The following RIPOR2 variants were observed in gnomAD, a reference collection of about 807,000 sequenced individuals.
RIPOR2 encodes the protein RHO family interacting cell polarization regulator 2, also known as rho family-interacting cell polarization regulator 2.
RIPOR2 carries 39 observed loss-of-function variants against 114.5 expected under a neutral mutation model. The observed-to-expected ratio is 0.34, with a 90% CI of 0.26 to 0.44. The LOEUF (loss-of-function observed/expected upper bound fraction) is 0.44. Among genes scored for constraint, RIPOR2 ranks in the 20% least tolerant of loss-of-function variants. RIPOR2 has a pLI of 1.00. For synonymous variants in RIPOR2, 445 were observed against 484.4 expected, an observed-to-expected ratio of 0.92 and a Z score of 1.07; for missense variants, 1,007 against 1,255.1, an observed-to-expected ratio of 0.80 and a Z score of 2.99.
In RIPOR2 at chr6:24,954,455, CCTT is replaced by C. The variant is rs1181197992; in HGVS notation, c.77-78641_77-78639del. On this transcript the variant is annotated intron_variant, in intron 1 of 13. Coordinates refer to the RIPOR2 transcript ENST00000510784. ...AACTGTGCAGGCCCAGTCTCTCTCT[CCTT>C]TTTTTTTTTTTTTTTGAGACAGGGT... Among the ~76,000 whole-genome samples, 234 of 116,248 alleles carry C rather than the reference CCTT, an allele frequency of 2.0e-3. 11 individuals carry two copies. In the East Asian group the frequency reaches 0.027, roughly 13 times the overall value. The allele number at this position is 116,248 out of a possible 152,430, so 76.3% of individuals were successfully genotyped here.
Position 24,843,067 on chromosome 6 carries a change from G to A in RIPOR2, c.1652C>T (p.Thr551Ile), listed in dbSNP as rs1407853027. 2 of 1,613,840 alleles carry A rather than the reference G, an allele frequency of 1.2e-6. No homozygotes were observed. Among genetic ancestry groups the A allele is most frequent in the African/African-American group, 2.7e-5 (2 of 74,942 alleles). ...TGTGGCCATTGGCACCTCTGCAGAT[G>A]TGAGCCTCTTGACCAGCTGCTTTGT... ...NITKQLVKRL[T>I]SAEVPMATDR... Residue 551 changes from threonine (T) to isoleucine (I), a missense_variant, in exon 13 of 22, where the codon ACA becomes ATA. Physicochemically the swap from Thr to Ile is moderately conservative, Grantham distance 89. Coordinates refer to ENST00000643898, the MANE Select transcript of RIPOR2 (RefSeq NM_001286445.3).
At chr6:25,036,787 G>A (rs1777275416) in intron 1 of RIPOR2, among the ~76,000 whole-genome samples, 2 of 152,172 alleles carry the variant, frequency 1.3e-5, no homozygotes, top group Admixed American at 1.3e-4. Flanking sequence ...GAGATCCTCT[G>A]TGGGGGCAAA....
At chr6:24,889,024 T>C (rs1767083375) in intron 1 of RIPOR2, among the ~76,000 whole-genome samples, 1 of 152,232 alleles carries the variant, frequency 6.6e-6, no homozygotes, top group Non-Finnish European at 1.5e-5. Context: ...ATTCCTGTTG[T>C]TATGACAACA....
intron 1 of RIPOR2, among the ~76,000 whole-genome samples, chr6:24,989,759 C>A (rs948881397): frequency 1.3e-5 from 2 of 151,932 alleles, no homozygotes; most frequent in African/African-American, 2.4e-5. Flanking sequence ...ATATTTAATA[C>A]CCTGGCTGGG....
At chr6:24,964,144 G>GAT (rs1282784797) in intron 1 of RIPOR2, among the ~76,000 whole-genome samples, 1 of 53,900 alleles carries the variant, frequency 1.9e-5, no homozygotes, top group African/African-American at 8.0e-5. Context: ...ATTGACATTG[G>GAT]CTCTGTGTGT....
chr6:24,840,159 C>G, intron 13 of RIPOR2: 1 of 862,874 alleles, frequency 1.2e-6, no homozygotes, highest in Non-Finnish European at 1.4e-6. Context: ...CTATGTTGAC[C>G]ATACCGGTCT....
rs547600892 is a variant in RIPOR2 at position 24,908,216 on chromosome 6, A to G, written c.61+27622T>C. On this transcript the variant is annotated intron_variant, in intron 1 of 21. Transcript: ENST00000643898. ...TTGCCCTGAGGGGCACCCATTGTGT[A>G]AATAAAACGGACTTTCACTTCTATC... Among the ~76,000 whole-genome samples, 15 of 152,350 alleles carry G rather than the reference A, an allele frequency of 9.8e-5. 1 individual carries two copies. The highest frequency in any genetic ancestry group is 3.6e-4 in the African/African-American group (15 of 41,584).
intron 8 of RIPOR2, among the ~76,000 whole-genome samples, 180 bp downstream of exon 8, chr6:24,860,793 G>A (rs1435373195): frequency 2.0e-5 from 3 of 152,168 alleles, no homozygotes; most frequent in Non-Finnish European, 4.4e-5. Context: ...ATATTTTTGT[G>A]TGTGTAGGTA....
intron 19 of RIPOR2, among the ~76,000 whole-genome samples, chr6:24,819,662 A>ATTTTTTT (rs35638159): frequency 4.8e-5 from 5 of 103,308 alleles, no homozygotes; most frequent in Admixed American, 1.1e-4. Flanking sequence ...CGCCCAGCTA[A>ATTTTTTT]TTTTTTTTTT....
At chr6:24,913,662 G>A (rs1031801281) in intron 1 of RIPOR2, among the ~76,000 whole-genome samples, 3 of 152,142 alleles carry the variant, frequency 2.0e-5, no homozygotes, top group Admixed American at 6.5e-5. Flanking sequence ...TCTTCACACC[G>A]CCTCTCCAAT....
At chr6:24,992,899 C>G (rs10946739) in intron 1 of RIPOR2, among the ~76,000 whole-genome samples, 1 of 151,974 alleles carries the variant, frequency 6.6e-6, no homozygotes, top group Non-Finnish European at 1.5e-5. Context: ...TTTAAAACAA[C>G]GACAGCAATT....
intron 1 of RIPOR2, 65 bp downstream of exon 1, chr6:24,935,773 T>C: frequency 8.7e-7 from 1 of 1,153,088 alleles, no homozygotes; most frequent in Non-Finnish European, 1.2e-6. Flanking sequence ...TGGGCAAAAG[T>C]GTCCAGTGGT....
chr6:24,910,852 C>T, intron 1 of RIPOR2: 2 of 985,390 alleles, frequency 2.0e-6, no homozygotes, highest in Non-Finnish European at 2.4e-6. Flanking sequence ...GTCAGGGGCA[C>T]ACTCAGGGTT....
intron 1 of RIPOR2, among the ~76,000 whole-genome samples, chr6:24,907,545 A>G (rs957752313): frequency 5.3e-5 from 8 of 152,174 alleles, no homozygotes; most frequent in Admixed American, 1.3e-4. Flanking sequence ...CAAGACAAAA[A>G]CCTGGACCAT....
Position 24,825,422 on chromosome 6 carries a change from A to G in RIPOR2, c.2672T>C (p.Met891Thr), listed in dbSNP as rs1230894312. 13 of 1,551,296 alleles carry G rather than the reference A, an allele frequency of 8.4e-6. No individual in the cohort carries two copies. Among genetic ancestry groups the G allele is most frequent in the Non-Finnish European group, 1.0e-5 (12 of 1,146,210 alleles). ...YLSQLARQVS[M>T]VQTLQSLRDE... ...TCTTAGTGATTGCAGAGTCTGAACC[A>G]TGGAAACTGGAGGGTAAGAAGGAAG... Residue 891 changes from methionine to threonine, a missense_variant, in exon 19 of 22, where the codon ATG (methionine) becomes ACG (threonine). By Grantham distance (81) the Met-to-Thr change is moderately conservative. Transcript: ENST00000643898.
At chr6:25,036,384 T>TTTTTG (rs980509805) in intron 1 of RIPOR2, among the ~76,000 whole-genome samples, 16 of 151,954 alleles carry the variant, frequency 1.1e-4, no homozygotes, top group South Asian at 1.0e-3. Context: ...GTTCAACGGG[T>TTTTTG]TTTTGTTTTG....
intron 1 of RIPOR2, among the ~76,000 whole-genome samples, chr6:24,906,006 G>A (rs1424965825): frequency 1.3e-5 from 2 of 152,122 alleles, no homozygotes; most frequent in East Asian, 1.9e-4. Context: ...AAAGTGAAGA[G>A]GCAAATACAA....
At chr6:24,855,372 A>AT (rs574397496) in intron 8 of RIPOR2, among the ~76,000 whole-genome samples, 4,000 of 95,118 alleles carry the variant, frequency 0.042, 95 homozygotes, top group African/African-American at 0.1. Flanking sequence ...ATATGACTTT[A>AT]TTTTTTTTTT....
At chr6:24,821,827 A>T (rs1350265615) in intron 19 of RIPOR2, among the ~76,000 whole-genome samples, 1 of 152,216 alleles carries the variant, frequency 6.6e-6, no homozygotes, top group Non-Finnish European at 1.5e-5. Context: ...GTGGATATAC[A>T]CCAAGGTCAT....
Sources: allele counts gnomAD v4.1 joint callset (sites outside exome capture counted in the v4.1 genomes callset), GRCh38; gene constraint gnomAD v4.1.1; transcripts MANE v1.5; gene names NCBI Gene and HGNC (gene_info 2026-07-23, HGNC 2026-07-21).